The following TMEM114 variants were observed in gnomAD, a reference collection of about 807,000 sequenced individuals.
TMEM114 encodes transmembrane protein 114.
A neutral mutation model predicts 6.2 loss-of-function variants in TMEM114; 6 were observed. That is an observed-to-expected ratio of 0.97 (90% CI 0.53 to 1.91). The LOEUF (loss-of-function observed/expected upper bound fraction) is 1.91, where lower values mean the gene tolerates loss of function less well. TMEM114 is among the 40% of genes most tolerant of loss of function. The pLI is 0.01. For missense variants in TMEM114, 218 were observed against 158.3 expected (o/e 1.38, Z -2.02); for synonymous variants, 104 against 73.0 (o/e 1.42, Z -2.16).
At chr16:8,563,250 T>C (rs1220834852) in intron 2 of TMEM114, among the ~76,000 whole-genome samples, 2 of 151,286 alleles carry the variant, frequency 1.3e-5, no homozygotes, top group African/African-American at 2.5e-5. Flanking sequence ...AATGAGTCAG[T>C]GAGTGAATGA....
At chr16:8,556,739 G>A (rs1008903591) in intron 2 of TMEM114, among the ~76,000 whole-genome samples, 46 of 152,126 alleles carry the variant, frequency 3.0e-4, no homozygotes, top group African/African-American at 8.2e-4. Context: ...CTGACCTCAG[G>A]GGATCCACCC....
At chr16:8,579,038 G>C (rs372086701) in intron 2 of TMEM114, among the ~76,000 whole-genome samples, 2 of 152,142 alleles carry the variant, frequency 1.3e-5, no homozygotes, top group East Asian at 1.9e-4. Context: ...GTAAACGTGT[G>C]TGCCCCAGTG....
At chr16:8,553,208 T>C (rs764646214) in intron 2 of TMEM114, among the ~76,000 whole-genome samples, 4 of 152,224 alleles carry the variant, frequency 2.6e-5, no homozygotes, top group Non-Finnish European at 5.9e-5. Context: ...ATCAGCTCAG[T>C]GCCCCTGCTT....
chr16:8,569,495 C>A (rs1053532001), downstream of TMEM114: 1 of 1,352,800 alleles, frequency 7.4e-7, no homozygotes, highest in Non-Finnish European at 9.5e-7. Flanking sequence ...CTGTAAAGCT[C>A]TGTGTGTGAT....
At chr16:8,530,122 C>G in the TMEM114 span, among the ~76,000 whole-genome samples, 5 of 152,332 alleles carry the variant, frequency 3.3e-5, no homozygotes, top group African/African-American at 1.2e-4. Context: ...TTTGCATTAG[C>G]TTTTTCCTGC....
chr16:8,554,476 TAG>T (rs1567198695), intron 2 of TMEM114, among the ~76,000 whole-genome samples: 10 of 152,136 alleles, frequency 6.6e-5, no homozygotes, highest in African/African-American at 2.4e-4. Context: ...TGACCTCTCA[TAG>T]CCCCTTCATA....
exon 3 of TMEM114, chr16:8,537,796 C>T (rs979843020): frequency 6.6e-6 from 1 of 152,002 alleles, no homozygotes; most frequent in African/African-American, 2.4e-5. Flanking sequence ...AATAATTCAC[C>T]ATTGACATCC....
At chr16:8,540,829 T>C (rs1900495762) in intron 2 of TMEM114, among the ~76,000 whole-genome samples, 1 of 152,238 alleles carries the variant, frequency 6.6e-6, no homozygotes, top group South Asian at 2.1e-4. Flanking sequence ...AGATGTAGGA[T>C]GTTTCAAGAG....
Position 8,589,672 on chromosome 16 carries a change from C to T in TMEM114, c.167G>A (p.Arg56His). ...GAQDLLGSIN[R>H]SQPEPLSSHS... ...GGAGCTCAGAGGCTCGGGCTGGCTGCGATTGATGGACCCCAGCAGGTCCTG... is the reference window on the plus strand; with the variant it reads ...GGAGCTCAGAGGCTCGGGCTGGCTGTGATTGATGGACCCCAGCAGGTCCTG... Residue 56 changes from arginine to histidine, a missense_variant, in exon 1 of 4, where the codon CGC (arginine) becomes CAC (histidine). Coordinates refer to ENST00000620492, the MANE Select transcript of TMEM114 (RefSeq NM_001146336.2). The T allele has an allele frequency of 2.5e-6, 1 of 398,456 alleles. No homozygotes were observed. Among genetic ancestry groups the T allele is most frequent in the East Asian group, 3.6e-5 (1 of 28,056 alleles). 24.7% of individuals were successfully genotyped at this position (398,456 alleles called of 1,614,324 possible). A position where few individuals can be genotyped will look rare whatever the true frequency, so the allele number is the denominator to read the frequency against.
intron 2 of TMEM114, among the ~76,000 whole-genome samples, chr16:8,551,751 C>G (rs763315577): frequency 1.3e-5 from 2 of 152,206 alleles, no homozygotes; most frequent in Non-Finnish European, 2.9e-5. Context: ...CAGTGTGTTT[C>G]TAGGGGTGTT....
intron 2 of TMEM114, among the ~76,000 whole-genome samples, chr16:8,560,830 G>T (rs978009796): frequency 2.0e-5 from 3 of 152,168 alleles, no homozygotes; most frequent in Non-Finnish European, 2.9e-5. Flanking sequence ...GGGTGTATTA[G>T]TCTGTTCTCC....
chr16:8,527,799 C>T, the TMEM114 span, among the ~76,000 whole-genome samples: 1 of 152,154 alleles, frequency 6.6e-6, no homozygotes, highest in Non-Finnish European at 1.5e-5. Flanking sequence ...CTCTGTCTCC[C>T]CCCAATACAG....
chr16:8,565,155 G>C (rs1901498633), downstream of TMEM114, among the ~76,000 whole-genome samples: 4 of 152,176 alleles, frequency 2.6e-5, 1 homozygote, highest in South Asian at 8.3e-4. Context: ...TGATGGATGG[G>C]TGGATGGATG....
downstream of TMEM114, among the ~76,000 whole-genome samples, chr16:8,536,889 G>A (rs1900376643): frequency 6.6e-6 from 1 of 152,106 alleles, no homozygotes; most frequent in Admixed American, 6.6e-5. Context: ...TGTCCTGGCT[G>A]TAGGAATCAC....
chr16:8,534,980 C>A (rs982953562), downstream of TMEM114, among the ~76,000 whole-genome samples: 2 of 152,212 alleles, frequency 1.3e-5, no homozygotes, highest in East Asian at 3.8e-4. Context: ...CCTTCTCCAT[C>A]GGTCTCAGTG....
At chr16:8,537,114 G>T (rs928712947), downstream of TMEM114, among the ~76,000 whole-genome samples, 1 of 151,826 alleles carries the variant, frequency 6.6e-6, no homozygotes, top group South Asian at 2.1e-4. Flanking sequence ...GCTGAGGCTG[G>T]AAGATCGCAT....
At chr16:8,581,588 G>A (rs569843264) in intron 2 of TMEM114, among the ~76,000 whole-genome samples, 1 of 152,250 alleles carries the variant, frequency 6.6e-6, no homozygotes, top group South Asian at 2.1e-4. Flanking sequence ...CAAGTAGCTG[G>A]GACTACAGGC....
intron 2 of TMEM114, among the ~76,000 whole-genome samples, chr16:8,546,588 A>C (rs1181577335): frequency 6.6e-6 from 1 of 152,208 alleles, no homozygotes; most frequent in African/African-American, 2.4e-5. Flanking sequence ...CAACCCCAGT[A>C]ACAATCAGTC....
intron 2 of TMEM114, among the ~76,000 whole-genome samples, chr16:8,555,161 A>C (rs574971194): frequency 6.6e-6 from 1 of 152,204 alleles, no homozygotes; most frequent in African/African-American, 2.4e-5. Context: ...TTCTCTCTTC[A>C]CATGTGATGC....
Sources: allele counts gnomAD v4.1 joint callset (sites outside exome capture counted in the v4.1 genomes callset), GRCh38; gene constraint gnomAD v4.1.1; transcripts MANE v1.5; gene names NCBI Gene and HGNC (gene_info 2026-07-23, HGNC 2026-07-21).